Variants in ABLIM2 observed in about 807,000 individuals in gnomAD.
ABLIM2 encodes actin-binding LIM protein 2.
Under a neutral mutation model 97.7 loss-of-function variants are expected in ABLIM2, and 53 were observed. The ratio of observed to expected loss-of-function variants is 0.54; its 90% CI spans 0.44 to 0.68. The LOEUF is 0.68. Among genes scored for constraint, ABLIM2 ranks in the 30% least tolerant of loss-of-function variants. The probability of loss-of-function intolerance (pLI) is 0.00; values close to 1 mark genes in which losing one functional copy is unlikely to be tolerated. For missense variants in ABLIM2, 835 were observed against 867.2 expected (o/e 0.96, Z 0.47); for synonymous variants, 361 against 345.8 (o/e 1.04, Z -0.49).
rs1840984032 is a variant in ABLIM2 at position 8,112,778 on chromosome 4, A to G, written c.11-6141T>C. On this transcript the variant is annotated intron_variant, in intron 1 of 20. Transcript: ENST00000447017. The surrounding 1 kb of genome is among the most constrained non-coding windows in gnomAD (Gnocchi z 4.2). ...TCCTCATCTCACGGATGAGGATGCC[A>G]AGGCTAGGAGATGGTCACACGGCTA... 6.6e-6 allele frequency among the ~76,000 whole-genome samples: 1 copy of G among 152,148 alleles called. No individual in the cohort carries two copies. The highest frequency in any genetic ancestry group is 1.5e-5 in the Non-Finnish European group (1 of 68,016).
chr4:8,099,265 G>A (rs1291105763), intron 2 of ABLIM2, among the ~76,000 whole-genome samples: 1 of 152,254 alleles, frequency 6.6e-6, no homozygotes, highest in African/African-American at 2.4e-5. Flanking sequence ...GTATTCTGAT[G>A]TCAGCGCCAC....
intron 14 of ABLIM2, among the ~76,000 whole-genome samples, chr4:8,018,773 AAATGCCTTTTCCCATCGCT>A (rs1415545880): frequency 6.6e-6 from 1 of 152,142 alleles, no homozygotes; most frequent in African/African-American, 2.4e-5. Flanking sequence ...TTTAATATGG[AAATGCCTTTTCCCATCGCT>A]AGTGACTTGA....
At chr4:7,972,182 G>T (rs1004088657) in intron 20 of ABLIM2, among the ~76,000 whole-genome samples, 1 of 152,190 alleles carries the variant, frequency 6.6e-6, no homozygotes, top group Non-Finnish European at 1.5e-5. Context: ...AGCCTATGGG[G>T]CACAGAGGGG....
chr4:8,037,707 A>G (rs570037786), intron 9 of ABLIM2, among the ~76,000 whole-genome samples: 1 of 152,262 alleles, frequency 6.6e-6, no homozygotes, highest in South Asian at 2.1e-4. Context: ...ACTCACACAC[A>G]TTCACATGCT....
intron 20 of ABLIM2, among the ~76,000 whole-genome samples, chr4:7,967,361 A>G (rs908344137): frequency 6.6e-6 from 1 of 152,180 alleles, no homozygotes; most frequent in Non-Finnish European, 1.5e-5. Context: ...CTTGACTCCT[A>G]CAAAGGTATC....
chr4:8,061,040 G>A lies in ABLIM2; in HGVS notation c.690C>T (p.His230=). 6.3e-7 allele frequency: 1 copy of A among 1,593,494 alleles called. No individual in the cohort carries two copies. The highest frequency in any genetic ancestry group is 8.5e-7 in the Non-Finnish European group (1 of 1,169,888). ...TGRVLEAGEK[H]YHPSCALCVR... is the part of the protein sequence containing the mutation. ...CACATAGCGCGCAGGAAGGGTGGTA[G>A]TGCTTCTCTCCGGCCTGTAAGAAAA... Residue 230 remains histidine (H), a synonymous_variant, in exon 7 of 21, where the codon CAC becomes CAT. Coordinates refer to ENST00000447017, the MANE Select transcript of ABLIM2 (RefSeq NM_001130083.2). The surrounding 1 kb of genome is among the most constrained non-coding windows in gnomAD (Gnocchi z 4.5).
rs1327817181 is a variant in ABLIM2, at chr4:8,019,151, T to A, written c.1423+467A>T. On this transcript the variant is annotated intron_variant, in intron 14 of 20. Transcript: ENST00000447017. This position sits in a 1 kb window ranked among gnomAD's most constrained non-coding sequence, Gnocchi z 4.3. ...CCGTAACGGAAGGCAAGGTCACCCA[T>A]CCCATCATCAGAAATTCTCAAAACT... Among the ~76,000 whole-genome samples, 1 of 152,152 alleles carries A rather than the reference T, an allele frequency of 6.6e-6. No individual in the cohort carries two copies. The highest frequency in any genetic ancestry group is 1.9e-4 in the East Asian group (1 of 5,188).
In ABLIM2 at chr4:8,075,307, C is replaced by T. The variant is rs28688481; in HGVS notation, c.675+2321G>A. ...GGCTTGCGGGTACGGGGAGTGACAG[C>T]TAAAAGGTATGGGGTTCTTTCTAAG... On this transcript the variant is annotated intron_variant, in intron 6 of 20. Transcript: ENST00000447017. This position sits in a 1 kb window ranked among gnomAD's most constrained non-coding sequence, Gnocchi z 4.4. Among the ~76,000 whole-genome samples the T allele has an allele frequency of 0.017, 2,527 of 152,130 alleles. 58 individuals are homozygous for T. The highest frequency in any genetic ancestry group is 0.056 in the East Asian group (289 of 5,176).
intron 6 of ABLIM2, among the ~76,000 whole-genome samples, chr4:8,074,052 A>G (rs527812172): frequency 2.3e-5 from 3 of 133,020 alleles, no homozygotes; most frequent in African/African-American, 8.7e-5. Flanking sequence ...GCGCCACTGC[A>G]CTCTAGCCTG....
rs1411946534 is a variant in ABLIM2 at position 8,109,866 on chromosome 4, C to T, written c.11-3229G>A. 2.0e-5 allele frequency among the ~76,000 whole-genome samples: 3 copies of T among 152,224 alleles called. 1 individual carries two copies. The highest frequency in any genetic ancestry group is 4.1e-4 in the South Asian group (2 of 4,834). On this transcript the variant is annotated intron_variant, in intron 1 of 20. Transcript: ENST00000447017. ...GGTCCCTGTGGGCTCAGTCTGCAGC[C>T]GCTGGAGGCCACCGTGGCCTTTCTC... is the stretch of plus-strand genomic sequence containing the variant.
chr4:8,059,931 C>CGA (rs1801876037), intron 7 of ABLIM2, among the ~76,000 whole-genome samples: 2 of 148,530 alleles, frequency 1.3e-5, no homozygotes, highest in Non-Finnish European at 3.0e-5. Flanking sequence ...AAAAAAACCC[C>CGA]AAAAAACCCC....
At chr4:8,007,824 G>A (rs562239458) in intron 16 of ABLIM2, 3 of 1,325,316 alleles carry the variant, frequency 2.3e-6, no homozygotes, top group African/African-American at 3.0e-5. Flanking sequence ...ATCTGTGAGG[G>A]GACATGCAGG....
chr4:8,156,635 C>T (rs1490315633), intron 1 of ABLIM2, among the ~76,000 whole-genome samples: 1 of 152,226 alleles, frequency 6.6e-6, no homozygotes, highest in South Asian at 2.1e-4. Context: ...AAGCCTTCGG[C>T]CCATTTGGGC....
At chr4:8,091,854 C>CAATATATTATATATAA (rs1400543888) in intron 3 of ABLIM2, among the ~76,000 whole-genome samples, 1 of 98,716 alleles carries the variant, frequency 1.0e-5, no homozygotes, top group Admixed American at 1.6e-4. Context: ...ATTATTTATA[C>CAATATATTATATATAA]AATATATTAT....
chr4:8,025,399 G>A (rs1041590285), intron 12 of ABLIM2, among the ~76,000 whole-genome samples: 4 of 152,154 alleles, frequency 2.6e-5, no homozygotes, highest in Non-Finnish European at 5.9e-5. Context: ...AGACGGCTTC[G>A]GAGCCACATT....
At chr4:8,110,156 T>A (rs1839604714) in intron 1 of ABLIM2, among the ~76,000 whole-genome samples, 1 of 152,244 alleles carries the variant, frequency 6.6e-6, no homozygotes, top group African/African-American at 2.4e-5. Flanking sequence ...CCAGTCCACA[T>A]CTGAGGCTCA....
chr4:8,126,941 C>T (rs542823969), intron 1 of ABLIM2, among the ~76,000 whole-genome samples: 2 of 152,062 alleles, frequency 1.3e-5, no homozygotes, highest in African/African-American at 2.4e-5. Context: ...GTGGCGTGCA[C>T]CTTAGTTTCA....
rs1200645289 is a variant in ABLIM2 at position 8,150,713 on chromosome 4, C to A, written c.10+7967G>T. ...AGACCGATGACTCAAGACACCACGCCTCCTGAGGATGCTGTGCCGAGAAAA... is the reference window on the plus strand; with the variant it reads ...AGACCGATGACTCAAGACACCACGCATCCTGAGGATGCTGTGCCGAGAAAA... On this transcript the variant is annotated intron_variant, in intron 1 of 20. Transcript: ENST00000447017. This position sits in a 1 kb window ranked among gnomAD's most constrained non-coding sequence, Gnocchi z 6.3. 6.6e-6 allele frequency among the ~76,000 whole-genome samples: 1 copy of A among 152,196 alleles called. No homozygotes were observed. The highest frequency in any genetic ancestry group is 1.5e-5 in the Non-Finnish European group (1 of 68,026).
At chr4:7,973,393 C>T (rs1230436844) in intron 20 of ABLIM2, among the ~76,000 whole-genome samples, 7 of 151,540 alleles carry the variant, frequency 4.6e-5, no homozygotes, top group African/African-American at 7.3e-5. Flanking sequence ...CCCAGCTACC[C>T]GGGAGGCTGA....
Sources: allele counts gnomAD v4.1 joint callset (sites outside exome capture counted in the v4.1 genomes callset), GRCh38; gene constraint gnomAD v4.1.1; non-coding constraint Gnocchi (gnomAD v3.1); transcripts MANE v1.5; gene names NCBI Gene and HGNC (gene_info 2026-07-23, HGNC 2026-07-21).